Variants in PHF21A observed in about 807,000 individuals in gnomAD.
PHF21A encodes BHC80a.
In PHF21A, 11 loss-of-function variants were observed where a neutral mutation model predicts 82.5. That is an observed-to-expected ratio of 0.13 (90% CI 0.08 to 0.22). The LOEUF (loss-of-function observed/expected upper bound fraction) is 0.22. Among genes scored for constraint, PHF21A ranks in the 10% least tolerant of loss-of-function variants. The pLI is 1.00. For missense variants in PHF21A, 579 were observed against 837.8 expected (o/e 0.69, Z 3.81); for synonymous variants, 297 against 302.8 (o/e 0.98, Z 0.20).
intron 6 of PHF21A, among the ~76,000 whole-genome samples, chr11:46,068,937 T>C (rs189815183): frequency 9.2e-5 from 14 of 152,298 alleles, no homozygotes; most frequent in African/African-American, 3.4e-4. Context: ...TGGCACGTTA[T>C]TAAAGTATAA....
chr11:45,964,200 A>AAT (rs2093293234), intron 10 of PHF21A, among the ~76,000 whole-genome samples: 17 of 134,622 alleles, frequency 1.3e-4, no homozygotes, highest in African/African-American at 4.7e-4. Flanking sequence ...CTCCATCTCA[A>AAT]AATAATAATA....
At chr11:46,066,660 C>T (rs1023552966) in intron 6 of PHF21A, among the ~76,000 whole-genome samples, 4 of 152,142 alleles carry the variant, frequency 2.6e-5, no homozygotes, top group Admixed American at 2.6e-4. Flanking sequence ...GATTGTACCA[C>T]CGCACACCAG....
chr11:45,935,475 G>A, intron 18 of PHF21A, 161 bp downstream of exon 18: 2 of 648,734 alleles, frequency 3.1e-6, no homozygotes, highest in Non-Finnish European at 5.4e-6. Context: ...CCTGAGGTCT[G>A]AACTCTAACT....
intron 3 of PHF21A, among the ~76,000 whole-genome samples, chr11:46,087,948 G>A (rs1034371370): frequency 6.6e-6 from 1 of 151,960 alleles, no homozygotes; most frequent in Non-Finnish European, 1.5e-5. Flanking sequence ...GTAGTGACAG[G>A]GTTTCGCCAT....
At chr11:46,103,191 C>T (rs1399542845) in intron 1 of PHF21A, among the ~76,000 whole-genome samples, 1 of 152,182 alleles carries the variant, frequency 6.6e-6, no homozygotes, top group East Asian at 1.9e-4. Context: ...CCCCCAAACG[C>T]TTGTAGAATC....
intron 6 of PHF21A, among the ~76,000 whole-genome samples, chr11:46,035,405 TC>T (rs1340669740): frequency 6.6e-6 from 1 of 152,114 alleles, no homozygotes; most frequent in Non-Finnish European, 1.5e-5. Flanking sequence ...GACTAAACCT[TC>T]TAGTATGTTT....
intron 1 of PHF21A, chr11:46,116,998 C>A (rs1851510421): frequency 6.6e-6 from 1 of 152,114 alleles, no homozygotes; most frequent in African/African-American, 2.4e-5. Flanking sequence ...ACTATAGTGT[C>A]CAGGGTGCAC....
At chr11:45,998,403 T>C (rs183041770) in intron 6 of PHF21A, among the ~76,000 whole-genome samples, 1 of 152,174 alleles carries the variant, frequency 6.6e-6, no homozygotes, top group African/African-American at 2.4e-5. Context: ...GCCTACTGAG[T>C]ATATAGTATT....
chr11:46,112,953 ACTAAT>A lies in PHF21A; in HGVS notation c.-237+7977_-237+7981del, dbSNP rs940362582. Among the ~76,000 whole-genome samples the A allele has an allele frequency of 1.1e-4, 16 of 152,302 alleles. No individual in the cohort carries two copies. The South Asian group carries it at 2.1e-3, about 20-fold the overall frequency. On this transcript the variant is annotated intron_variant, in intron 1 of 18. Coordinates refer to ENST00000676320, the MANE Select transcript of PHF21A (RefSeq NM_001352027.3). Reference sequence around the variant, plus strand: ...TAGTAGCTGATAAAAAATACAATAAACTAATCTAAGGTAAACTAAAACACTAGGTT... The same window carrying A: ...TAGTAGCTGATAAAAAATACAATAAACTAAGGTAAACTAAAACACTAGGTT...
At chr11:46,095,475 A>G (rs2096983035) in intron 1 of PHF21A, among the ~76,000 whole-genome samples, 1 of 152,204 alleles carries the variant, frequency 6.6e-6, no homozygotes. Context: ...CCTAAGTTAG[A>G]GTAAATGAAA....
intron 6 of PHF21A, among the ~76,000 whole-genome samples, chr11:46,057,706 T>C (rs2096480257): frequency 6.6e-6 from 1 of 152,252 alleles, no homozygotes; most frequent in Middle Eastern, 3.4e-3. Context: ...GAACTTACCC[T>C]AGCTCACTTG....
chr11:45,974,478 G>A (rs1170312803), intron 7 of PHF21A, among the ~76,000 whole-genome samples: 1 of 151,358 alleles, frequency 6.6e-6, no homozygotes, highest in Non-Finnish European at 1.5e-5. Flanking sequence ...TTTTGAGACA[G>A]GGTCTTGCTC....
Position 45,929,998 on chromosome 11 carries a change from C to T in PHF21A, c.*3970G>A, listed in dbSNP as rs1178086155. The T allele has an allele frequency of 6.6e-6, 1 of 152,222 alleles. No homozygotes were observed. The highest frequency in any genetic ancestry group is 1.5e-5 in the Non-Finnish European group (1 of 68,062). The allele number at this position is 152,222 out of a possible 1,614,324, so 9.4% of individuals were successfully genotyped here. Reference sequence around the variant, plus strand: ...CAGAAGCCACGGGATCTGGAGAACCCAGGCCCTGGAAAATGCACCTGGGCC... The same window carrying T: ...CAGAAGCCACGGGATCTGGAGAACCTAGGCCCTGGAAAATGCACCTGGGCC... On this transcript the variant is annotated 3_prime_UTR_variant, in exon 19 of 19. Coordinates refer to ENST00000676320, the MANE Select transcript of PHF21A (RefSeq NM_001352027.3).
At chr11:46,021,801 T>C (rs2095637724) in intron 6 of PHF21A, among the ~76,000 whole-genome samples, 2 of 152,128 alleles carry the variant, frequency 1.3e-5, no homozygotes, top group Non-Finnish European at 2.9e-5. Context: ...ACCTTCCACC[T>C]CAGCATCCCA....
At chr11:46,068,107 GGTAT>G (rs1341823877) in intron 6 of PHF21A, among the ~76,000 whole-genome samples, 1 of 152,044 alleles carries the variant, frequency 6.6e-6, no homozygotes, top group Non-Finnish European at 1.5e-5. Flanking sequence ...GAATTTATGG[GGTAT>G]GTATGAGAAT....
At chr11:46,100,146 T>C (rs2097073644) in intron 1 of PHF21A, among the ~76,000 whole-genome samples, 2 of 152,098 alleles carry the variant, frequency 1.3e-5, no homozygotes, top group East Asian at 1.9e-4. Context: ...GTCCTAAAAC[T>C]TGAAAGTGAA....
At chr11:46,016,356 A>G (rs2095517603) in intron 6 of PHF21A, among the ~76,000 whole-genome samples, 1 of 152,222 alleles carries the variant, frequency 6.6e-6, no homozygotes, top group African/African-American at 2.4e-5. Context: ...GCCCTTAACA[A>G]CTATACTTCG....
chr11:46,106,709 G>A (rs1465941877), intron 1 of PHF21A, among the ~76,000 whole-genome samples: 3 of 152,158 alleles, frequency 2.0e-5, no homozygotes, highest in African/African-American at 4.8e-5. Flanking sequence ...GTCACATCAG[G>A]CACAGAGAAG....
intron 6 of PHF21A, among the ~76,000 whole-genome samples, chr11:46,034,705 C>T (rs990684016): frequency 2.6e-5 from 4 of 152,068 alleles, no homozygotes; most frequent in Admixed American, 6.6e-5. Context: ...TTTCTTTTCA[C>T]GTTCATCCTT....
Sources: gnomAD v4.1 joint callset for allele counts (sites outside exome capture counted in the v4.1 genomes callset) on GRCh38, gnomAD v4.1.1 for gene constraint, MANE v1.5 for transcripts, NCBI Gene and HGNC (gene_info 2026-07-23, HGNC 2026-07-21) for gene names.